ZNF331: variants seen among roughly 807,000 people sequenced by gnomAD.
ZNF331 encodes the protein zinc finger protein 331, also known as C2H2-like zinc finger protein rearranged in thyroid adenomas.
In ZNF331, 2 loss-of-function variants were observed where a neutral mutation model predicts 7.0. The ratio of observed to expected loss-of-function variants is 0.29; its 90% CI spans 0.12 to 0.90. The LOEUF (loss-of-function observed/expected upper bound fraction) is 0.90. Among genes scored for constraint, ZNF331 ranks in the 40% least tolerant of loss-of-function variants. The pLI is 0.58. For synonymous variants in ZNF331, 196 were observed against 205.4 expected (o/e 0.95, Z 0.39); for missense variants, 432 against 587.7 (o/e 0.74, Z 2.74).
At chr19:53,513,507 A>AT in the ZNF331 span, among the ~76,000 whole-genome samples, 6 of 152,126 alleles carry the variant, frequency 3.9e-5, no homozygotes, top group Middle Eastern at 3.4e-3. Flanking sequence ...GTACAGGGGT[A>AT]TTTTTTTTCC....
intron 2 of ZNF331, among the ~76,000 whole-genome samples, chr19:53,546,958 T>C (rs1288497529): frequency 6.6e-6 from 1 of 152,204 alleles, no homozygotes; most frequent in Non-Finnish European, 1.5e-5. Flanking sequence ...GGTTGGCAGC[T>C]GTCTTCAATG....
Position 53,577,062 on chromosome 19 carries a change from T to C in ZNF331, c.502T>C (p.Phe168Leu). 6.2e-7 allele frequency: 1 copy of C among 1,613,700 alleles called. No individual in the cohort carries two copies. ...PYECKECKKA[F>L]RWGNQLTQHQ... The stretch of plus-strand genomic sequence containing the variant: ...TGAATGTAAAGAATGTAAGAAGGCC[T>C]TCCGTTGGGGCAATCAGCTTACTCA... The change falls in exon 6 of 6, where the codon TTC becomes CTC. Residue 168 changes from phenylalanine to leucine, a missense_variant. This residue lies in a region of ZNF331 where 312 missense variants were observed against 448.6 expected (regional missense o/e 0.70). Coordinates refer to ENST00000449416, the MANE Select transcript of ZNF331 (RefSeq NM_001079906.2).
rs746502682 is a variant in ZNF331, at chr19:53,551,129, C to T, written c.-137-4716C>T. Among the ~76,000 whole-genome samples, 231 of 152,240 alleles carry T rather than the reference C, an allele frequency of 1.5e-3. 1 individual carries two copies. Among genetic ancestry groups the T allele is most frequent in the Non-Finnish European group, 2.5e-3 (173 of 68,014 alleles). On this transcript the variant is annotated intron_variant, in intron 2 of 5. Coordinates refer to ENST00000449416, the MANE Select transcript of ZNF331 (RefSeq NM_001079906.2). ...TACAGGCTTGAGCCACTGCGCCTGGCCAATCATTTTTTAAAATTAGGACTC... is the reference window on the plus strand; with the variant it reads ...TACAGGCTTGAGCCACTGCGCCTGGTCAATCATTTTTTAAAATTAGGACTC...
intron 2 of ZNF331, among the ~76,000 whole-genome samples, chr19:53,528,359 T>C (rs2708764): frequency 0.26 from 39,931 of 152,170 alleles, 6,200 homozygotes; most frequent in African/African-American, 0.43. Context: ...CAGCCTCATG[T>C]TTCTTTTCTA....
chr19:53,504,334 G>A, the ZNF331 span: 726 of 226,482 alleles, frequency 3.2e-3, 7 homozygotes, highest in African/African-American at 0.016. Flanking sequence ...GGACATGTTT[G>A]TACAATGTTT....
At chr19:53,513,236 T>C in the ZNF331 span, among the ~76,000 whole-genome samples, 1 of 152,100 alleles carries the variant, frequency 6.6e-6, no homozygotes, top group Non-Finnish European at 1.5e-5. Flanking sequence ...CTCATACGGC[T>C]GACGTGCCTT....
At chr19:53,506,890 G>A in the ZNF331 span, among the ~76,000 whole-genome samples, 3 of 152,124 alleles carry the variant, frequency 2.0e-5, no homozygotes, top group African/African-American at 7.2e-5. Flanking sequence ...ACCCGTTGGG[G>A]GCGAGTCATT....
chr19:53,546,485 A>G (rs749250820), intron 2 of ZNF331, among the ~76,000 whole-genome samples: 1 of 151,494 alleles, frequency 6.6e-6, no homozygotes, highest in Non-Finnish European at 1.5e-5. Flanking sequence ...CAAATTGTTG[A>G]CATCCTGCTG....
At chr19:53,518,933 G>A (rs1568451516), upstream of ZNF331, among the ~76,000 whole-genome samples, 1 of 152,228 alleles carries the variant, frequency 6.6e-6, no homozygotes. Flanking sequence ...CTCTGGGGAG[G>A]ACAGATGGTG....
chr19:53,553,543 A>G (rs1022723299), intron 2 of ZNF331, among the ~76,000 whole-genome samples: 1 of 152,124 alleles, frequency 6.6e-6, no homozygotes, highest in African/African-American at 2.4e-5. Flanking sequence ...TGTGTGTACT[A>G]CTCTAGCTAT....
the ZNF331 span, among the ~76,000 whole-genome samples, chr19:53,513,414 ATTATAAC>A: frequency 6.6e-6 from 1 of 152,192 alleles, no homozygotes; most frequent in Admixed American, 6.5e-5. Context: ...GTAAAATTAA[ATTATAAC>A]TTGTAAGGCA....
upstream of ZNF331, among the ~76,000 whole-genome samples, chr19:53,519,136 A>G (rs142490426): frequency 1.8e-3 from 267 of 152,110 alleles, no homozygotes; most frequent in African/African-American, 6.0e-3. Context: ...GAAACATACA[A>G]TCTCATCCAT....
chr19:53,531,878 G>A (rs1433331993), intron 2 of ZNF331, among the ~76,000 whole-genome samples: 2 of 152,134 alleles, frequency 1.3e-5, no homozygotes, highest in African/African-American at 4.8e-5. Flanking sequence ...ACGTTCAGCA[G>A]TAAAGGGATT....
chr19:53,517,225 T>C (rs1041341657), upstream of ZNF331, among the ~76,000 whole-genome samples: 1 of 152,036 alleles, frequency 6.6e-6, no homozygotes. Flanking sequence ...GTTGTATAGT[T>C]AGTAGTTGTA....
At chr19:53,532,827 A>G (rs2708780) in intron 2 of ZNF331, among the ~76,000 whole-genome samples, 41,363 of 151,952 alleles carry the variant, frequency 0.27, 6,884 homozygotes, top group African/African-American at 0.47. Flanking sequence ...GTAGTCTCTC[A>G]CGATTCTTTG....
At chr19:53,506,418 C>CTCTG in the ZNF331 span, among the ~76,000 whole-genome samples, 1 of 65,674 alleles carries the variant, frequency 1.5e-5, no homozygotes, top group Non-Finnish European at 2.9e-5. Flanking sequence ...TCTCCTCTCT[C>CTCTG]TCTCTCTCTC....
intron 3 of ZNF331, among the ~76,000 whole-genome samples, chr19:53,562,756 G>A (rs981991267): frequency 8.0e-5 from 12 of 150,390 alleles, no homozygotes; most frequent in African/African-American, 2.2e-4. Flanking sequence ...TTGGAAGGCC[G>A]AGGTGGGCAG....
chr19:53,571,663 G>A lies in ZNF331; in HGVS notation c.69G>A (p.Leu23=), dbSNP rs370873394. Residue 23 remains leucine, a synonymous_variant, in exon 5 of 6, where the codon CTG becomes CTA. Transcript: ENST00000449416. This position sits in a 1 kb window ranked among gnomAD's most constrained non-coding sequence, Gnocchi z 4.7. The part of the protein sequence containing the change: ...IDFSQEEWAC[L]NSAQRDLYWD... ...TTTCTCAGGAGGAGTGGGCCTGTCT[G>A]AACTCTGCTCAGAGGGACCTGTACT... 1.2e-5 allele frequency: 19 copies of A among 1,614,112 alleles called. No homozygotes were observed. In the South Asian group the frequency reaches 1.5e-4, roughly 13 times the overall value.
intron 3 of ZNF331, among the ~76,000 whole-genome samples, chr19:53,559,358 C>A (rs947406735): frequency 1.3e-5 from 2 of 149,144 alleles, no homozygotes; most frequent in African/African-American, 2.5e-5. Context: ...ACACCATACA[C>A]ACATATACAC....
Sources: allele counts gnomAD v4.1 joint callset (sites outside exome capture counted in the v4.1 genomes callset), GRCh38; gene constraint gnomAD v4.1.1; regional missense constraint gnomAD v4.1.1; non-coding constraint Gnocchi (gnomAD v3.1); transcripts MANE v1.5; gene names NCBI Gene and HGNC (gene_info 2026-07-23, HGNC 2026-07-21).